Variants in ZFYVE26 observed in about 807,000 individuals in gnomAD.
The protein encoded by ZFYVE26 is zinc finger FYVE domain-containing protein 26.
Under a neutral mutation model 276.5 loss-of-function variants are expected in ZFYVE26, and 181 were observed. That is an observed-to-expected ratio of 0.65 (90% CI 0.58 to 0.74). The LOEUF (loss-of-function observed/expected upper bound fraction) is 0.74, where lower values mean the gene tolerates loss of function less well. ZFYVE26 is among the 30% of genes least tolerant of loss of function. ZFYVE26 has a pLI of 0.00. For synonymous variants in ZFYVE26, 1,129 were observed against 1,203.1 expected, an observed-to-expected ratio of 0.94 and a Z score of 1.27; for missense variants, 2,821 against 3,097.9, an observed-to-expected ratio of 0.91 and a Z score of 2.12.
intron 15 of ZFYVE26, 100 bp downstream of exon 15, chr14:67,790,472 T>C: frequency 3.1e-6 from 4 of 1,297,030 alleles, no homozygotes; most frequent in Non-Finnish European, 3.3e-6. Flanking sequence ...ATTTAATTTC[T>C]GCTCACCCTC....
Position 67,761,356 on chromosome 14 carries a change from C to T in ZFYVE26, c.6588+10G>A, listed in dbSNP as rs1319405268. On this transcript the variant is annotated intron_variant, in intron 35 of 41. Coordinates refer to ENST00000347230, the MANE Select transcript of ZFYVE26 (RefSeq NM_015346.4). The stretch of plus-strand genomic sequence containing the variant: ...AGGCACTGCCTTTTTGAGCTGTGTC[C>T]ATGTCCCACCTTGTTGAGAAGGTGC... 1 of 1,609,764 alleles carries T rather than the reference C, an allele frequency of 6.2e-7. No individual in the cohort carries two copies. The highest frequency in any genetic ancestry group is 1.1e-5 in the South Asian group (1 of 90,330).
At chr14:67,792,104 C>T (rs888272154) in intron 14 of ZFYVE26, among the ~76,000 whole-genome samples, 22 of 151,130 alleles carry the variant, frequency 1.5e-4, no homozygotes, top group Non-Finnish European at 1.9e-4. Context: ...TGGGGAGGGT[C>T]CTATCCTCCT....
chr14:67,777,532 C>A, intron 25 of ZFYVE26, 27 bp downstream of exon 25: 5 of 1,612,682 alleles, frequency 3.1e-6, no homozygotes, highest in Non-Finnish European at 3.4e-6. Flanking sequence ...CCACATACAG[C>A]GCCTGGATTT....
Position 67,766,382 on chromosome 14 carries a change from G to T in ZFYVE26, c.5856C>A (p.His1952Gln), listed in dbSNP as rs772532225. 2 of 1,612,806 alleles carry T rather than the reference G, an allele frequency of 1.2e-6. No homozygotes were observed. The highest frequency in any genetic ancestry group is 1.7e-5 in the Admixed American group (1 of 60,026). The change falls in exon 32 of 42, where the codon CAC (histidine) becomes CAA (glutamine). Residue 1952 changes from histidine (H) to glutamine (Q), a missense_variant. Physicochemically the swap from His to Gln is conservative, Grantham distance 24. Transcript: ENST00000347230. ...GCCTGCAGCAGTGCTCAATCAGCTG[G>T]TGACCACAGGCAATGCTGTCCCGGT... is the stretch of plus-strand genomic sequence containing the variant. The part of the protein sequence containing the change: ...NLHRDSIACG[H>Q]QLIEHCCRLS...
intron 13 of ZFYVE26, among the ~76,000 whole-genome samples, chr14:67,731,782 G>C (rs1380943427): frequency 3.3e-5 from 5 of 152,100 alleles, no homozygotes; most frequent in Non-Finnish European, 2.9e-5. Flanking sequence ...GGAGAGCCAA[G>C]CAGAGTGTGA....
chr14:67,805,248 C>T lies in ZFYVE26; in HGVS notation c.1240G>A (p.Glu414Lys). 6.2e-7 allele frequency: 1 copy of T among 1,614,104 alleles called. No homozygotes were observed. Among genetic ancestry groups the T allele is most frequent in the South Asian group, 1.1e-5 (1 of 91,058 alleles). ...TGCTGTATGCACCACTCCAGGACCT[C>T]CAGGTGAGCCCACAACCCATCACAG... is the stretch of plus-strand genomic sequence containing the variant. ...DACDGLWAHL[E>K]VLEWCIQQSS... Residue 414 changes from glutamate (E) to lysine (K), a missense_variant, in exon 8 of 42, where the codon GAG becomes AAG. Coordinates refer to ENST00000347230, the MANE Select transcript of ZFYVE26 (RefSeq NM_015346.4).
intron 25 of ZFYVE26, among the ~76,000 whole-genome samples, chr14:67,776,607 A>G (rs552434834): frequency 3.3e-5 from 5 of 152,362 alleles, no homozygotes; most frequent in Admixed American, 2.6e-4. Context: ...GGCTTTACTC[A>G]GAATGAGAAA....
At chr14:67,734,558 T>A (rs1202141949) in intron 13 of ZFYVE26, 2 of 155,586 alleles carry the variant, frequency 1.3e-5, no homozygotes, top group East Asian at 3.8e-4. Flanking sequence ...GCCACGGGAA[T>A]TGGGAATAGC....
At chr14:67,767,493 A>G (rs1206994433) in intron 31 of ZFYVE26, among the ~76,000 whole-genome samples, 1 of 151,804 alleles carries the variant, frequency 6.6e-6, no homozygotes, top group Non-Finnish European at 1.5e-5. Flanking sequence ...CTTAAATGCT[A>G]CCTCTTCCAC....
At chr14:67,798,951 C>T (rs1010019270) in intron 10 of ZFYVE26, 6 of 1,129,754 alleles carry the variant, frequency 5.3e-6, no homozygotes, top group East Asian at 2.4e-5. Flanking sequence ...TTATTTCTCG[C>T]GCCGCGGTTT....
intron 1 of ZFYVE26, among the ~76,000 whole-genome samples, chr14:67,816,257 T>A (rs1167777325): frequency 6.6e-6 from 1 of 152,202 alleles, no homozygotes; most frequent in Non-Finnish European, 1.5e-5. Flanking sequence ...TTAATAGTCA[T>A]ATTTGCTCCG....
At chr14:67,772,279 G>T in intron 27 of ZFYVE26, 69 bp from the exon 28 acceptor site, 4 of 1,526,190 alleles carry the variant, frequency 2.6e-6, no homozygotes. Flanking sequence ...AAGAGGGAAT[G>T]ATAGAATTTT....
At chr14:67,792,322 G>A (rs980951714) in intron 14 of ZFYVE26, among the ~76,000 whole-genome samples, 1 of 151,944 alleles carries the variant, frequency 6.6e-6, no homozygotes, top group Admixed American at 6.6e-5. Flanking sequence ...TATGCCAAGA[G>A]GGTTTTAAAA....
chr14:67,802,614 A>T (rs1594934203), intron 9 of ZFYVE26, among the ~76,000 whole-genome samples: 1 of 152,118 alleles, frequency 6.6e-6, no homozygotes, highest in East Asian at 1.9e-4. Context: ...GCCTCACCCT[A>T]GTTGCAGCCT....
chr14:67,757,153 C>G (rs2038799209), intron 35 of ZFYVE26, among the ~76,000 whole-genome samples: 1 of 152,208 alleles, frequency 6.6e-6, no homozygotes, highest in Non-Finnish European at 1.5e-5. Context: ...CATCGTTTGT[C>G]TGGATTATTG....
At chr14:67,738,279 C>A (rs573464561) in intron 13 of ZFYVE26, among the ~76,000 whole-genome samples, 1 of 150,026 alleles carries the variant, frequency 6.7e-6, no homozygotes, top group Non-Finnish European at 1.5e-5. Flanking sequence ...CATCAGTTGG[C>A]GAAAAACTAA....
intron 39 of ZFYVE26, 43 bp from the exon 40 acceptor site, chr14:67,752,569 T>C: frequency 6.2e-7 from 1 of 1,607,752 alleles, no homozygotes; most frequent in Non-Finnish European, 8.5e-7. Flanking sequence ...GCAGGAAACG[T>C]TAACGGTGGG....
chr14:67,805,114 C>T, intron 8 of ZFYVE26, 103 bp downstream of exon 8: 7 of 1,162,416 alleles, frequency 6.0e-6, no homozygotes, highest in South Asian at 5.2e-5. Context: ...ACATTGCCAA[C>T]TCAAAACATT....
At chr14:67,791,122 A>C (rs763677913) in intron 14 of ZFYVE26, among the ~76,000 whole-genome samples, 96 of 152,266 alleles carry the variant, frequency 6.3e-4, no homozygotes, top group Non-Finnish European at 1.1e-3. Flanking sequence ...AAGCACAAAA[A>C]TAAATCCTCA....
Sources: gnomAD v4.1 joint callset for allele counts (sites outside exome capture counted in the v4.1 genomes callset) on GRCh38, gnomAD v4.1.1 for gene constraint, MANE v1.5 for transcripts, NCBI Gene and HGNC (gene_info 2026-07-23, HGNC 2026-07-21) for gene names.